The following PCCA variants were observed in gnomAD, a reference collection of about 807,000 sequenced individuals.
The protein encoded by PCCA is propionyl-CoA carboxylase alpha chain, mitochondrial.
PCCA carries 74 observed loss-of-function variants against 101.3 expected under a neutral mutation model. That is an observed-to-expected ratio of 0.73 (90% CI 0.61 to 0.89). PCCA has a LOEUF of 0.89. Among genes scored for constraint, PCCA ranks in the 40% least tolerant of loss-of-function variants. The probability of loss-of-function intolerance (pLI) is 0.00; values close to 1 mark genes in which losing one functional copy is unlikely to be tolerated. For synonymous variants in PCCA, 294 were observed against 313.6 expected (o/e 0.94, Z 0.66); for missense variants, 891 against 907.0 (o/e 0.98, Z 0.23).
intron 16 of PCCA, among the ~76,000 whole-genome samples, chr13:100,323,986 A>T (rs1012387950): frequency 2.6e-5 from 4 of 152,190 alleles, no homozygotes; most frequent in Non-Finnish European, 4.4e-5. Context: ...GGATTCTGTG[A>T]GACTTGAATA....
chr13:100,491,528 A>G (rs4772295), intron 21 of PCCA: 147,347 of 437,352 alleles, frequency 0.34, 27,494 homozygotes, highest in East Asian at 0.57. Context: ...ATAAAAAGGA[A>G]AAGAATGGAA....
intron 19 of PCCA, among the ~76,000 whole-genome samples, chr13:100,378,140 C>T (rs186827154): frequency 1.5e-4 from 23 of 152,210 alleles, no homozygotes; most frequent in Admixed American, 9.8e-4. Flanking sequence ...TGGTCAAATT[C>T]GGCGTTTGCT....
intron 20 of PCCA, among the ~76,000 whole-genome samples, chr13:100,432,103 C>G (rs79573561): frequency 6.6e-6 from 1 of 151,768 alleles, no homozygotes. Flanking sequence ...AGAGGCTGGA[C>G]CCCTGCACTC....
At chr13:100,194,627 G>A (rs1322774303) in intron 6 of PCCA, among the ~76,000 whole-genome samples, 4 of 152,002 alleles carry the variant, frequency 2.6e-5, no homozygotes, top group Non-Finnish European at 5.9e-5. Flanking sequence ...CACCATATTG[G>A]CCAGGCTGGT....
At chr13:100,111,198 T>A (rs2048280726) in intron 2 of PCCA, among the ~76,000 whole-genome samples, 1 of 143,072 alleles carries the variant, frequency 7.0e-6, no homozygotes, top group African/African-American at 2.6e-5. Context: ...TTTTTTTTTT[T>A]TTTTTTGTAT....
chr13:100,477,383 G>A (rs1248982868), intron 21 of PCCA: 2 of 152,124 alleles, frequency 1.3e-5, no homozygotes, highest in African/African-American at 4.8e-5. Context: ...CTTCCTCAAG[G>A]CAACTAAGTT....
chr13:100,259,776 A>G (rs961202614), intron 9 of PCCA, among the ~76,000 whole-genome samples: 7 of 152,158 alleles, frequency 4.6e-5, no homozygotes, highest in African/African-American at 1.4e-4. Context: ...TTGTGTCTAT[A>G]TTTTTGAATA....
intron 22 of PCCA, among the ~76,000 whole-genome samples, chr13:100,520,512 G>A (rs2087162547): frequency 6.6e-6 from 1 of 151,584 alleles, no homozygotes; most frequent in Non-Finnish European, 1.5e-5. Context: ...GCGGGCGCCT[G>A]TAGTCCCAGC....
At chr13:100,513,024 A>G (rs1295754453) in intron 21 of PCCA, among the ~76,000 whole-genome samples, 1 of 152,238 alleles carries the variant, frequency 6.6e-6, no homozygotes, top group Non-Finnish European at 1.5e-5. Flanking sequence ...TTTCTGGGGC[A>G]TCAAAAAGCT....
intron 2 of PCCA, among the ~76,000 whole-genome samples, chr13:100,108,449 C>T (rs1414640004): frequency 6.6e-6 from 1 of 152,114 alleles, no homozygotes; most frequent in African/African-American, 2.4e-5. Context: ...TGAGTCCTTC[C>T]ATCATCTGGA....
chr13:100,363,322 C>T (rs1312860011), intron 18 of PCCA, among the ~76,000 whole-genome samples: 1 of 151,864 alleles, frequency 6.6e-6, no homozygotes, highest in East Asian at 1.9e-4. Context: ...CTGTCTCAGG[C>T]ATTTTAAGTG....
At position 100,449,123 on chromosome 13, in the gene PCCA, G is replaced by C. The variant is rs1396406844; in HGVS notation, c.1846-129G>C. 5.1e-6 allele frequency: 3 copies of C among 585,468 alleles called. No individual in the cohort carries two copies. The East Asian group carries it at 8.8e-5, about 17-fold the overall frequency. 36.3% of individuals were successfully genotyped at this position (585,468 alleles called of 1,614,324 possible). A position where few individuals can be genotyped will look rare whatever the true frequency, so the allele number is the denominator to read the frequency against. On this transcript the variant is annotated intron_variant, in intron 20 of 23. Coordinates refer to ENST00000376285, the MANE Select transcript of PCCA (RefSeq NM_000282.4). ...TTTTATGGCCAAATAATATTCCACTGTATGGCTATACTATATTTTGTTTAC... is the reference window on the plus strand; with the variant it reads ...TTTTATGGCCAAATAATATTCCACTCTATGGCTATACTATATTTTGTTTAC...
chr13:100,351,650 A>G (rs934319053), intron 18 of PCCA, among the ~76,000 whole-genome samples: 1 of 152,222 alleles, frequency 6.6e-6, no homozygotes, highest in African/African-American at 2.4e-5. Flanking sequence ...CTAGGAGACC[A>G]GTGTGGGCAT....
intron 21 of PCCA, among the ~76,000 whole-genome samples, chr13:100,514,893 G>GA (rs1434703839): frequency 1.3e-5 from 2 of 152,162 alleles, no homozygotes; most frequent in African/African-American, 2.4e-5. Context: ...TTCTGTCACT[G>GA]AAAAAATGGA....
At chr13:100,222,791 C>T (rs1272519843) in intron 7 of PCCA, among the ~76,000 whole-genome samples, 3 of 152,020 alleles carry the variant, frequency 2.0e-5, no homozygotes, top group Non-Finnish European at 4.4e-5. Context: ...AAGTAGTTTC[C>T]ACCAGTTATG....
intron 7 of PCCA, 122 bp from the exon 8 acceptor site, chr13:100,235,720 A>G (rs2060757560): frequency 1.4e-6 from 1 of 732,280 alleles, no homozygotes; most frequent in Admixed American, 1.9e-5. Flanking sequence ...AAAGGGTTAG[A>G]AGGTAGTAAA....
At chr13:100,141,386 T>A (rs1239765415) in intron 4 of PCCA, among the ~76,000 whole-genome samples, 1 of 152,020 alleles carries the variant, frequency 6.6e-6, no homozygotes, top group Non-Finnish European at 1.5e-5. Flanking sequence ...TTGTACATGT[T>A]ATTTTTTATT....
In PCCA at chr13:100,089,103, C is replaced by G. The variant is rs1347537336; in HGVS notation, c.-18C>G. On this transcript the variant is annotated 5_prime_UTR_variant, in exon 1 of 24. Transcript: ENST00000376285. ...GCTGTGTGAGAGGTCAGCAGAGGGG[C>G]GGTCTGCGGGGACAACAATGGCGGG... The G allele has an allele frequency of 6.8e-7, 1 of 1,470,316 alleles. No homozygotes were observed. The highest frequency in any genetic ancestry group is 1.4e-5 in the South Asian group (1 of 72,606). 91.1% of individuals were successfully genotyped at this position (1,470,316 alleles called of 1,614,324 possible). A position where few individuals can be genotyped will look rare whatever the true frequency, so the allele number is the denominator to read the frequency against.
intron 12 of PCCA, 102 bp downstream of exon 12, chr13:100,273,448 G>A (rs989893650): frequency 1.5e-5 from 14 of 917,612 alleles, no homozygotes; most frequent in Non-Finnish European, 2.4e-5. Context: ...ACTCCATAAA[G>A]TGTTAAATAA....
Sources: allele counts gnomAD v4.1 joint callset (sites outside exome capture counted in the v4.1 genomes callset), GRCh38; gene constraint gnomAD v4.1.1; transcripts MANE v1.5; gene names NCBI Gene and HGNC (gene_info 2026-07-23, HGNC 2026-07-21).